GRM1: variants seen among roughly 807,000 people sequenced by gnomAD.
GRM1 encodes the protein glutamate metabotropic receptor 1, also known as metabotropic glutamate receptor 1.
A neutral mutation model predicts 90.9 loss-of-function variants in GRM1; 33 were observed. That is an observed-to-expected ratio of 0.36 (90% CI 0.28 to 0.49). The LOEUF is 0.49. Among genes scored for constraint, GRM1 ranks in the 20% least tolerant of loss-of-function variants. GRM1 has a pLI of 0.99. For synonymous variants in GRM1, 700 were observed against 613.2 expected (o/e 1.14, Z -2.09); for missense variants, 1,190 against 1,534.3 (o/e 0.78, Z 3.75).
At chr6:146,152,186 A>G (rs1209009064) in intron 1 of GRM1, among the ~76,000 whole-genome samples, 1 of 152,104 alleles carries the variant, frequency 6.6e-6, no homozygotes, top group African/African-American at 2.4e-5. Context: ...CTTGAAACAG[A>G]GTGTCATTCT....
At chr6:146,126,573 T>C (rs1254106908) in intron 1 of GRM1, among the ~76,000 whole-genome samples, 8 of 152,170 alleles carry the variant, frequency 5.3e-5, no homozygotes, top group Non-Finnish European at 1.2e-4. Flanking sequence ...AATCGATCTA[T>C]TACAGACACA....
intron 1 of GRM1, among the ~76,000 whole-genome samples, chr6:146,137,049 C>T (rs1042064690): frequency 8.6e-5 from 13 of 151,896 alleles, no homozygotes; most frequent in East Asian, 1.9e-4. Flanking sequence ...GACAGGGTTT[C>T]GCCATGTTGT....
intron 7 of GRM1, among the ~76,000 whole-genome samples, chr6:146,414,768 T>G (rs1247494643): frequency 1.3e-5 from 2 of 152,240 alleles, no homozygotes; most frequent in African/African-American, 4.8e-5. Context: ...TTGCAAATAT[T>G]TTTTCTCAGT....
intron 3 of GRM1, among the ~76,000 whole-genome samples, chr6:146,311,708 T>C (rs1473121950): frequency 6.6e-6 from 1 of 152,216 alleles, no homozygotes; most frequent in Non-Finnish European, 1.5e-5. Flanking sequence ...TTTAAAATAG[T>C]TTATTTCTTA....
chr6:146,295,156 G>C (rs1021917668), intron 2 of GRM1, among the ~76,000 whole-genome samples: 1 of 151,894 alleles, frequency 6.6e-6, no homozygotes, highest in African/African-American at 2.4e-5. Context: ...GGATTAGTTG[G>C]ATATTTTAAT....
intron 2 of GRM1, among the ~76,000 whole-genome samples, chr6:146,266,077 T>C (rs1258447035): frequency 6.6e-6 from 1 of 151,932 alleles, no homozygotes; most frequent in Admixed American, 6.6e-5. Context: ...TAATCCCAGC[T>C]ACTTGGGAGG....
At position 146,113,329 on chromosome 6, in the gene GRM1, C is replaced by T. The variant is rs185978128; in HGVS notation, c.701-46019C>T. On this transcript the variant is annotated intron_variant, in intron 1 of 7. Coordinates refer to ENST00000282753, the MANE Select transcript of GRM1 (RefSeq NM_001278064.2). ...GATTTGCATTGTTATTTGATGACTC[C>T]CTGCTGCAACTTAAAGCTTCATGAT... Among the ~76,000 whole-genome samples, 16 of 152,194 alleles carry T rather than the reference C, an allele frequency of 1.1e-4. No individual in the cohort carries two copies. In the East Asian group the frequency reaches 3.1e-3, roughly 29 times the overall value.
At chr6:146,141,190 A>G (rs117987977) in intron 1 of GRM1, among the ~76,000 whole-genome samples, 2,627 of 152,154 alleles carry the variant, frequency 0.017, 33 homozygotes, top group Middle Eastern at 0.031. Context: ...CCTGCATTTT[A>G]AATATGTCAT....
At chr6:146,243,715 T>C (rs1382517839) in intron 2 of GRM1, among the ~76,000 whole-genome samples, 2 of 152,150 alleles carry the variant, frequency 1.3e-5, no homozygotes, top group South Asian at 2.1e-4. Context: ...CGCATCGTCA[T>C]TGATAACATC....
intron 6 of GRM1, among the ~76,000 whole-genome samples, chr6:146,394,680 A>G (rs1776863545): frequency 6.6e-6 from 1 of 152,180 alleles, no homozygotes; most frequent in Admixed American, 6.5e-5. Flanking sequence ...CACTGGATTT[A>G]TAAATTAGAA....
chr6:146,107,985 G>A (rs1412953345), intron 1 of GRM1, among the ~76,000 whole-genome samples: 40 of 152,122 alleles, frequency 2.6e-4, no homozygotes, highest in Non-Finnish European at 1.5e-5. Context: ...TGCTGAAGAT[G>A]TCTTTGGCTT....
chr6:146,103,774 G>A (rs1777129410), intron 1 of GRM1, among the ~76,000 whole-genome samples: 1 of 152,132 alleles, frequency 6.6e-6, no homozygotes, highest in Non-Finnish European at 1.5e-5. Context: ...TCCTTCTCAG[G>A]GATGCAGAGA....
chr6:146,266,107 T>G (rs1270140025), intron 2 of GRM1, among the ~76,000 whole-genome samples: 1 of 152,094 alleles, frequency 6.6e-6, no homozygotes, highest in Non-Finnish European at 1.5e-5. Flanking sequence ...GGGAATTGCT[T>G]GAACCCGGGA....
At chr6:146,319,462 G>A (rs1030392260) in intron 3 of GRM1, among the ~76,000 whole-genome samples, 1 of 152,128 alleles carries the variant, frequency 6.6e-6, no homozygotes, top group South Asian at 2.1e-4. Context: ...CCCTTTGTTG[G>A]TTTCATATGA....
chr6:146,293,706 T>C (rs980778135), intron 2 of GRM1, among the ~76,000 whole-genome samples: 1 of 151,896 alleles, frequency 6.6e-6, no homozygotes, highest in African/African-American at 2.4e-5. Flanking sequence ...CTATGAACAC[T>C]TGTTAAACCA....
In GRM1 at chr6:146,387,010, C is replaced by T. The variant is rs1193170688; in HGVS notation, c.1723C>T (p.Leu575=). 2 of 1,612,992 alleles carry T rather than the reference C, an allele frequency of 1.2e-6. No individual in the cohort carries two copies. Among genetic ancestry groups the T allele is most frequent in the East Asian group, 4.5e-5 (2 of 44,856 alleles). ...CTTGGGATGGTGGCCCAATGCAGAT[C>T]TAACAGGTAGGAACTGCCTCACTTG... ...CDLGWWPNAD[L]TGCEPIPVRY... The change falls in exon 6 of 8, where the codon CTA becomes TTA. Residue 575 remains leucine, a synonymous_variant. Transcript: ENST00000282753.
At chr6:146,424,727 C>CAT (rs1284199290) in intron 7 of GRM1, among the ~76,000 whole-genome samples, 2 of 152,198 alleles carry the variant, frequency 1.3e-5, no homozygotes, top group African/African-American at 4.8e-5. Context: ...GAACAGGCCA[C>CAT]ATACAGACAT....
intron 2 of GRM1, among the ~76,000 whole-genome samples, chr6:146,276,018 A>G (rs1476020404): frequency 6.6e-6 from 1 of 152,128 alleles, no homozygotes; most frequent in Non-Finnish European, 1.5e-5. Context: ...GAGAGAGCAC[A>G]AAGGGTAAAA....
chr6:146,230,055 G>T (rs570064246), intron 2 of GRM1, among the ~76,000 whole-genome samples: 1 of 152,272 alleles, frequency 6.6e-6, no homozygotes, highest in African/African-American at 2.4e-5. Flanking sequence ...ATTTGGGAAA[G>T]TTATGAAAAA....
Sources: allele counts gnomAD v4.1 joint callset (sites outside exome capture counted in the v4.1 genomes callset), GRCh38; gene constraint gnomAD v4.1.1; transcripts MANE v1.5; gene names NCBI Gene and HGNC (gene_info 2026-07-23, HGNC 2026-07-21).